The following RBBP5 variants were observed in gnomAD, a reference collection of about 807,000 sequenced individuals.
The protein encoded by RBBP5 is retinoblastoma-binding protein 5.
A neutral mutation model predicts 72.2 loss-of-function variants in RBBP5; 5 were observed. That is an observed-to-expected ratio of 0.07 (90% confidence interval 0.04 to 0.15). The LOEUF (loss-of-function observed/expected upper bound fraction) is 0.15, where lower values mean the gene tolerates loss of function less well. RBBP5 is among the 10% of genes least tolerant of loss of function. The pLI is 1.00. For missense variants in RBBP5, 322 were observed against 652.2 expected (o/e 0.49, Z 5.51); for synonymous variants, 209 against 237.2 (o/e 0.88, Z 1.09).
At chr1:205,091,441 C>G (rs1655346424) in intron 13 of RBBP5, 1 of 152,234 alleles carries the variant, frequency 6.6e-6, no homozygotes, top group South Asian at 2.1e-4. Flanking sequence ...GGTCCTCATT[C>G]ACATAGAAAA....
At chr1:205,116,197 G>A (rs1400561826) in intron 1 of RBBP5, 4 of 443,124 alleles carry the variant, frequency 9.0e-6, no homozygotes, top group South Asian at 2.5e-5. Context: ...TTGTAAAAAT[G>A]TCACAACAGT....
Position 205,103,929 on chromosome 1 carries a change from G to A in RBBP5, c.450C>T (p.Asp150=). The stretch of plus-strand genomic sequence containing the variant: ...AAGATGCCACAACGTTCAAATCGGA[G>A]TCATCGTCCACCGGCAGAACAACAT... ...SKHVVLPVDD[D]SDLNVVASFD... The change falls in exon 5 of 14, where the codon GAC becomes GAT. Residue 150 remains aspartate (D), a synonymous_variant. Transcript: ENST00000264515. 6.2e-7 allele frequency: 1 copy of A among 1,614,092 alleles called. No individual in the cohort carries two copies. Among genetic ancestry groups the A allele is most frequent in the East Asian group, 2.2e-5 (1 of 44,888 alleles).
intron 3 of RBBP5, 39 bp from the exon 4 acceptor site, chr1:205,105,207 G>A: frequency 6.3e-7 from 1 of 1,588,166 alleles, no homozygotes; most frequent in Non-Finnish European, 8.6e-7. Context: ...CATATTCTAA[G>A]TATATCATAC....
intron 5 of RBBP5, among the ~76,000 whole-genome samples, chr1:205,102,602 T>C (rs1027724414): frequency 1.3e-5 from 2 of 152,168 alleles, no homozygotes; most frequent in Non-Finnish European, 2.9e-5. Flanking sequence ...CATTGCACAA[T>C]AGAGTGAATG....
intron 12 of RBBP5, among the ~76,000 whole-genome samples, chr1:205,095,982 C>G (rs1380756247): frequency 6.6e-6 from 1 of 152,086 alleles, no homozygotes; most frequent in African/African-American, 2.4e-5. Flanking sequence ...CACTTGAGGT[C>G]TGGAGTTCGA....
At position 205,121,959 on chromosome 1, in the gene RBBP5, G is replaced by A. The variant is rs1656755637; in HGVS notation, c.-86C>T. The stretch of plus-strand genomic sequence containing the variant: ...TTCAGCAACTTGCGTCTAAGTGGTG[G>A]ACGCCGCGAAGAGACTGGCGCAAGC... On this transcript the variant is annotated 5_prime_UTR_variant, in exon 1 of 14. Transcript: ENST00000264515. 8.2e-6 allele frequency: 13 copies of A among 1,589,212 alleles called. No individual in the cohort carries two copies. The highest frequency in any genetic ancestry group is 1.1e-5 in the Non-Finnish European group (13 of 1,171,114).
At chr1:205,088,898 A>T in intron 13 of RBBP5, 83 bp from the exon 14 acceptor site, 1 of 1,303,360 alleles carries the variant, frequency 7.7e-7, no homozygotes, top group Non-Finnish European at 1.1e-6. Context: ...TGAATGCTGG[A>T]TGATGCATTA....
chr1:205,094,314 C>T (rs1362749362), intron 13 of RBBP5, among the ~76,000 whole-genome samples: 5 of 152,116 alleles, frequency 3.3e-5, no homozygotes, highest in Non-Finnish European at 5.9e-5. Context: ...TTCCTTAACA[C>T]GATGGTACTA....
intron 5 of RBBP5, among the ~76,000 whole-genome samples, chr1:205,103,346 T>C (rs1174951684): frequency 1.3e-5 from 2 of 152,116 alleles, no homozygotes; most frequent in African/African-American, 4.8e-5. Context: ...GGAACTATCC[T>C]AAGCATGAAA....
intron 3 of RBBP5, among the ~76,000 whole-genome samples, chr1:205,112,758 C>G (rs571292650): frequency 6.6e-6 from 1 of 151,992 alleles, no homozygotes; most frequent in African/African-American, 2.4e-5. Context: ...AGAAAAATGT[C>G]GAGACAGTAT....
In RBBP5 at chr1:205,090,934, T is replaced by TAAA. The variant is rs58545907; in HGVS notation, c.1589-2122_1589-2120dup. ...AAAAGAAAACAAAACTACCAAGCAT[T>TAAA]AAAAAAAAAAAAATCACAGATTCAG... On this transcript the variant is annotated intron_variant, in intron 13 of 13. Transcript: ENST00000264515. 1.1e-3 allele frequency among the ~76,000 whole-genome samples: 161 copies of TAAA among 145,138 alleles called. 1 individual carries two copies. Among genetic ancestry groups the TAAA allele is most frequent in the African/African-American group, 3.8e-3 (151 of 39,688 alleles).
At chr1:205,095,184 G>A in intron 12 of RBBP5, 120 bp from the exon 13 acceptor site, 2 of 967,408 alleles carry the variant, frequency 2.1e-6, no homozygotes, top group Non-Finnish European at 3.0e-6. Context: ...ATTATAAAGA[G>A]AAAAGTTTGT....
chr1:205,093,324 G>A (rs1396618240), intron 13 of RBBP5, among the ~76,000 whole-genome samples: 1 of 150,272 alleles, frequency 6.7e-6, no homozygotes, highest in African/African-American at 2.4e-5. Context: ...AGCCAAGCAT[G>A]GTGGTGCACG....
intron 1 of RBBP5, among the ~76,000 whole-genome samples, chr1:205,117,127 C>T (rs1341779307): frequency 6.6e-6 from 1 of 152,046 alleles, no homozygotes; most frequent in Non-Finnish European, 1.5e-5. Context: ...TCTTGGCTCA[C>T]TGCAACATCT....
intron 3 of RBBP5, among the ~76,000 whole-genome samples, chr1:205,112,476 A>ATATG (rs1656355916): frequency 6.6e-6 from 1 of 152,222 alleles, no homozygotes; most frequent in Admixed American, 6.5e-5. Context: ...AAGCTTTAGT[A>ATATG]TATGTACCTG....
At chr1:205,094,318 G>A (rs911674767) in intron 13 of RBBP5, among the ~76,000 whole-genome samples, 21 of 152,082 alleles carry the variant, frequency 1.4e-4, no homozygotes, top group Admixed American at 6.5e-4. Flanking sequence ...TTAACACGAT[G>A]GTACTAACAA....
At chr1:205,098,946 AT>A in intron 10 of RBBP5, 42 bp downstream of exon 10, 1 of 1,288,992 alleles carries the variant, frequency 7.8e-7, no homozygotes, top group Admixed American at 2.3e-5. Flanking sequence ...TAAAGCAATC[AT>A]TTTCCCTTTA....
Position 205,121,973 on chromosome 1 carries a change from A to G in RBBP5, c.-100T>C. 1 of 1,563,268 alleles carries G rather than the reference A, an allele frequency of 6.4e-7. No individual in the cohort carries two copies. The highest frequency in any genetic ancestry group is 1.1e-5 in the South Asian group (1 of 89,064). ...TCTAAGTGGTGGACGCCGCGAAGAGACTGGCGCAAGCTCCGAAGACTTTCG... is the reference window on the plus strand; with the variant it reads ...TCTAAGTGGTGGACGCCGCGAAGAGGCTGGCGCAAGCTCCGAAGACTTTCG... On this transcript the variant is annotated 5_prime_UTR_variant, in exon 1 of 14. Transcript: ENST00000264515.
chr1:205,116,828 AAG>A (rs963723108), intron 1 of RBBP5, among the ~76,000 whole-genome samples: 12 of 152,244 alleles, frequency 7.9e-5, no homozygotes, highest in Admixed American at 5.9e-4. Context: ...CAAAAAGAAA[AAG>A]AGCAAGGAAA....
Sources: allele counts gnomAD v4.1 joint callset (sites outside exome capture counted in the v4.1 genomes callset), GRCh38; gene constraint gnomAD v4.1.1; transcripts MANE v1.5; gene names NCBI Gene and HGNC (gene_info 2026-07-23, HGNC 2026-07-21).